SEMA6D: variants seen among roughly 807,000 people sequenced by gnomAD.
The protein encoded by SEMA6D is semaphorin 6D.
Under a neutral mutation model 106.6 loss-of-function variants are expected in SEMA6D, and 35 were observed. The observed-to-expected ratio is 0.33, with a 90% CI of 0.25 to 0.44. SEMA6D has a LOEUF of 0.44. SEMA6D is among the 20% of genes least tolerant of loss of function. The pLI, the probability that SEMA6D is intolerant of heterozygous loss-of-function variation, is 1.00. For synonymous variants in SEMA6D, 499 were observed against 487.7 expected (o/e 1.02, Z -0.31); for missense variants, 1,185 against 1,345.9 (o/e 0.88, Z 1.87).
intron 1 of SEMA6D, among the ~76,000 whole-genome samples, chr15:47,198,371 T>C (rs1489758358): frequency 6.6e-6 from 1 of 152,154 alleles, no homozygotes; most frequent in Non-Finnish European, 1.5e-5. Flanking sequence ...CATATGTTGA[T>C]TGGCTTGATT....
At chr15:47,319,980 C>T (rs1011691086) in intron 1 of SEMA6D, among the ~76,000 whole-genome samples, 2 of 152,156 alleles carry the variant, frequency 1.3e-5, no homozygotes, top group Non-Finnish European at 2.9e-5. Context: ...CTCTAAGTCA[C>T]AACTCCCTGT....
intron 4 of SEMA6D, among the ~76,000 whole-genome samples, chr15:47,647,310 T>A (rs79793466): frequency 0.034 from 5,218 of 152,290 alleles, 295 homozygotes; most frequent in African/African-American, 0.12. Context: ...TTTGTTTTCA[T>A]GCAGTGAGCT....
In SEMA6D at chr15:47,759,852, G is replaced by A; in HGVS notation, c.54G>A (p.Leu18=). The A allele has an allele frequency of 6.2e-7, 1 of 1,613,832 alleles. No homozygotes were observed. Residue 18 remains leucine (L), a synonymous_variant, in exon 2 of 19, where the codon TTG becomes TTA. Coordinates refer to ENST00000536845, the MANE Select transcript of SEMA6D (RefSeq NM_001358351.3). ...AYILLLMVSQ[L]RAVSFPEDDE... ...TACTGCTGCTGATGGTTTCCCAGTTGAGGGCAGTCAGCTTTCCTGAAGATG... is the reference window on the plus strand; with the variant it reads ...TACTGCTGCTGATGGTTTCCCAGTTAAGGGCAGTCAGCTTTCCTGAAGATG...
chr15:47,701,629 AC>A (rs1328767075), intron 4 of SEMA6D, among the ~76,000 whole-genome samples: 1 of 152,230 alleles, frequency 6.6e-6, no homozygotes, highest in Non-Finnish European at 1.5e-5. Flanking sequence ...ATAAATATGC[AC>A]AATTTGTATT....
rs555647493 is a variant in SEMA6D at position 47,225,881 on chromosome 15, T to C, written c.-239+41463T>C. ...GACTGTTTGGTATAACAGTACTTTA[T>C]TGGGTACGTACTTTTCAGAATATAC... On this transcript the variant is annotated intron_variant, in intron 1 of 19. Coordinates refer to the SEMA6D transcript ENST00000558014. Among the ~76,000 whole-genome samples, 6 of 152,220 alleles carry C rather than the reference T, an allele frequency of 3.9e-5. No homozygotes were observed. The South Asian group carries it at 1.2e-3, about 32-fold the overall frequency.
At position 47,499,893 on chromosome 15, in the gene SEMA6D, T is replaced by TGC. The variant is rs1330772453; in HGVS notation, c.-87+29349_-87+29350dup. Among the ~76,000 whole-genome samples, 3 of 152,074 alleles carry TGC rather than the reference T, an allele frequency of 2.0e-5. No homozygotes were observed. The East Asian group carries it at 5.8e-4, about 29-fold the overall frequency. On this transcript the variant is annotated intron_variant, in intron 3 of 19. Transcript: ENST00000558014. ...GCTTTTTTTTTGTTTTAAACTTCAG[T>TGC]GCTTAAAGGCAATACCAGTACTCCT...
intron 4 of SEMA6D, among the ~76,000 whole-genome samples, chr15:47,615,917 T>G (rs992770030): frequency 6.6e-6 from 1 of 152,232 alleles, no homozygotes. Context: ...ATTATCCAGT[T>G]ACTGAAGAGC....
intron 4 of SEMA6D, among the ~76,000 whole-genome samples, chr15:47,691,054 G>A (rs983124260): frequency 6.6e-6 from 1 of 152,084 alleles, no homozygotes; most frequent in African/African-American, 2.4e-5. Flanking sequence ...ATGCGTTTAT[G>A]CATTTTTGCA....
chr15:47,746,986 A>G (rs1395632164), intron 1 of SEMA6D, among the ~76,000 whole-genome samples: 7 of 89,884 alleles, frequency 7.8e-5, no homozygotes, highest in East Asian at 4.2e-4. Flanking sequence ...GTGTGTGTGT[A>G]TATATATATA....
At chr15:47,215,520 A>G (rs1273632702) in intron 1 of SEMA6D, among the ~76,000 whole-genome samples, 1 of 152,184 alleles carries the variant, frequency 6.6e-6, no homozygotes, top group Non-Finnish European at 1.5e-5. Flanking sequence ...GCTCATATAT[A>G]TTTACAAGAA....
intron 4 of SEMA6D, among the ~76,000 whole-genome samples, chr15:47,636,635 A>G (rs1283709760): frequency 6.6e-6 from 1 of 152,060 alleles, no homozygotes; most frequent in African/African-American, 2.4e-5. Flanking sequence ...AAGATTCCAC[A>G]TCTCCTAACA....
intron 2 of SEMA6D, among the ~76,000 whole-genome samples, chr15:47,461,950 A>C (rs2042526404): frequency 6.6e-6 from 1 of 152,078 alleles, no homozygotes; most frequent in Admixed American, 6.6e-5. Flanking sequence ...ATCCTGCCAC[A>C]TGAGTAAGAT....
intron 1 of SEMA6D, among the ~76,000 whole-genome samples, chr15:47,319,683 G>A (rs2036849012): frequency 6.6e-6 from 1 of 152,064 alleles, no homozygotes; most frequent in African/African-American, 2.4e-5. Flanking sequence ...TCTCCTGTGG[G>A]CACACCTTAT....
Position 47,754,983 on chromosome 15 carries a change from G to A in SEMA6D, c.-54-4762G>A, listed in dbSNP as rs1038286620. Among the ~76,000 whole-genome samples the A allele has an allele frequency of 1.3e-4, 19 of 141,066 alleles. No individual in the cohort carries two copies. The East Asian group carries it at 2.0e-3, about 15-fold the overall frequency. The allele number at this position is 141,066 out of a possible 152,430, so 92.5% of individuals were successfully genotyped here. A position where few individuals can be genotyped will look rare whatever the true frequency, so the allele number is the denominator to read the frequency against. On this transcript the variant is annotated intron_variant, in intron 1 of 18. Coordinates refer to ENST00000536845, the MANE Select transcript of SEMA6D (RefSeq NM_001358351.3). Reference sequence around the variant, plus strand: ...TTTTTTTTTTTTGAGATGGAGTCTCGCTTTGTCGCCTAGGCTGGAGTTCAG... The same window carrying A: ...TTTTTTTTTTTTGAGATGGAGTCTCACTTTGTCGCCTAGGCTGGAGTTCAG...
chr15:47,490,329 C>T (rs1262887329), intron 3 of SEMA6D, among the ~76,000 whole-genome samples: 6 of 152,038 alleles, frequency 3.9e-5, no homozygotes, highest in Non-Finnish European at 8.8e-5. Flanking sequence ...AAGTTAAAAA[C>T]TTTTATTCCC....
At chr15:47,519,952 T>C (rs571059528) in intron 3 of SEMA6D, among the ~76,000 whole-genome samples, 4 of 152,340 alleles carry the variant, frequency 2.6e-5, no homozygotes, top group African/African-American at 9.6e-5. Flanking sequence ...TAGACCCTCT[T>C]TTCAGCATTG....
chr15:47,286,161 G>A (rs2035352594), intron 1 of SEMA6D, among the ~76,000 whole-genome samples: 1 of 152,084 alleles, frequency 6.6e-6, no homozygotes, highest in South Asian at 2.1e-4. Context: ...GAAACCACTT[G>A]TCTGACCTAC....
chr15:47,238,455 CTT>C (rs1417619224), intron 1 of SEMA6D, among the ~76,000 whole-genome samples: 1 of 152,060 alleles, frequency 6.6e-6, no homozygotes, highest in African/African-American at 2.4e-5. Flanking sequence ...ATAGCAGAAA[CTT>C]AAACTTAGAT....
chr15:47,281,863 G>A (rs1046994976), intron 1 of SEMA6D, among the ~76,000 whole-genome samples: 2 of 151,804 alleles, frequency 1.3e-5, no homozygotes, highest in African/African-American at 2.4e-5. Flanking sequence ...ATATTTCCAC[G>A]ATACATCTAA....
Sources: allele counts gnomAD v4.1 joint callset (sites outside exome capture counted in the v4.1 genomes callset), GRCh38; gene constraint gnomAD v4.1.1; transcripts MANE v1.5; gene names NCBI Gene and HGNC (gene_info 2026-07-23, HGNC 2026-07-21).